AUH: variants seen among roughly 807,000 people sequenced by gnomAD.
AUH encodes the protein methylglutaconyl-CoA hydratase, mitochondrial.
A neutral mutation model predicts 42.3 loss-of-function variants in AUH; 29 were observed. The ratio of observed to expected loss-of-function variants is 0.69; its 90% CI spans 0.51 to 0.93. The LOEUF is 0.93. AUH is among the 40% of genes least tolerant of loss of function. The pLI, the probability that AUH is intolerant of heterozygous loss-of-function variation, is 0.00. For synonymous variants in AUH, 174 were observed against 166.4 expected (o/e 1.05, Z -0.35); for missense variants, 452 against 438.1 (o/e 1.03, Z -0.28).
At chr9:91,257,800 G>A (rs547973054) in intron 6 of AUH, among the ~76,000 whole-genome samples, 96 of 152,224 alleles carry the variant, frequency 6.3e-4, no homozygotes, top group African/African-American at 1.4e-3. Context: ...CACAAAAATC[G>A]CTGTAAGTAT....
At chr9:91,300,346 T>A (rs1328672601) in intron 4 of AUH, among the ~76,000 whole-genome samples, 2 of 152,196 alleles carry the variant, frequency 1.3e-5, no homozygotes, top group Non-Finnish European at 2.9e-5. Context: ...ATACTTCATG[T>A]GTCCAAACCA....
In AUH at chr9:91,355,959, A is replaced by G. The variant is rs1244805769; in HGVS notation, c.342T>C (p.Ala114=). 5 of 1,613,442 alleles carry G rather than the reference A, an allele frequency of 3.1e-6. No homozygotes were observed. In the Admixed American group the frequency reaches 5.0e-5, roughly 16 times the overall value. Residue 114 remains alanine, a synonymous_variant, in exon 3 of 10, where the codon GCT becomes GCC. Transcript: ENST00000375731. ...TCTTATCAGATTTCAAAGCATCCAC[A>G]GCTTTTGATAGCTAAACAGAAATAG... ...SKNLIKMLSK[A]VDALKSDKKV...
At chr9:91,351,259 C>G (rs960734339) in intron 3 of AUH, among the ~76,000 whole-genome samples, 14 of 152,288 alleles carry the variant, frequency 9.2e-5, no homozygotes, top group African/African-American at 3.4e-4. Flanking sequence ...GTGTGAGCCA[C>G]CTGGCCCATG....
chr9:91,360,929 G>C (rs935248573), intron 1 of AUH, among the ~76,000 whole-genome samples: 3 of 152,160 alleles, frequency 2.0e-5, no homozygotes, highest in Non-Finnish European at 4.4e-5. Context: ...CCAGTGAAAG[G>C]AACTGAGCTG....
At chr9:91,219,947 A>G (rs1402564994) in intron 7 of AUH, among the ~76,000 whole-genome samples, 1 of 152,256 alleles carries the variant, frequency 6.6e-6, no homozygotes, top group Non-Finnish European at 1.5e-5. Flanking sequence ...TGAGTTAAGC[A>G]ACCCTGAGTT....
At chr9:91,285,913 T>C (rs1826364819) in intron 6 of AUH, among the ~76,000 whole-genome samples, 1 of 152,188 alleles carries the variant, frequency 6.6e-6, no homozygotes. Context: ...GGGGAAGTGC[T>C]ACACTAAACC....
intron 4 of AUH, among the ~76,000 whole-genome samples, chr9:91,315,291 G>A (rs1230734534): frequency 6.6e-6 from 1 of 152,146 alleles, no homozygotes. Flanking sequence ...CTCAGATCCT[G>A]CTCTGGCTGC....
chr9:91,307,317 T>C (rs947597677), intron 4 of AUH, among the ~76,000 whole-genome samples: 1 of 152,216 alleles, frequency 6.6e-6, no homozygotes, highest in Non-Finnish European at 1.5e-5. Context: ...GAAAGTACAC[T>C]GGTTTCTTGA....
intron 6 of AUH, among the ~76,000 whole-genome samples, chr9:91,241,339 T>C (rs1395558841): frequency 6.6e-6 from 1 of 152,176 alleles, no homozygotes; most frequent in Admixed American, 6.5e-5. Flanking sequence ...AACTATGTCT[T>C]ACATGTGTTG....
intron 6 of AUH, among the ~76,000 whole-genome samples, chr9:91,286,410 C>T (rs1337086298): frequency 6.6e-6 from 1 of 152,118 alleles, no homozygotes; most frequent in African/African-American, 2.4e-5. Context: ...TCTAATTTTC[C>T]TTCTTCCTTT....
chr9:91,347,025 C>T (rs944447342), intron 3 of AUH, among the ~76,000 whole-genome samples: 5 of 151,926 alleles, frequency 3.3e-5, no homozygotes, highest in African/African-American at 1.2e-4. Context: ...CTAGAAGCTC[C>T]CTGAGCCCCA....
chr9:91,293,688 C>T (rs369711921), intron 6 of AUH, among the ~76,000 whole-genome samples: 2 of 152,330 alleles, frequency 1.3e-5, no homozygotes, highest in South Asian at 4.1e-4. Context: ...TGAAGCAGCA[C>T]GTGCTGATGT....
chr9:91,306,051 T>G (rs962886000), intron 4 of AUH, among the ~76,000 whole-genome samples: 10 of 152,166 alleles, frequency 6.6e-5, no homozygotes, highest in Admixed American at 2.0e-4. Flanking sequence ...TGGGTTCAAC[T>G]GGGGAAACCT....
chr9:91,290,888 T>C (rs753081077), intron 6 of AUH, among the ~76,000 whole-genome samples: 4 of 152,176 alleles, frequency 2.6e-5, no homozygotes, highest in Non-Finnish European at 5.9e-5. Flanking sequence ...CCAAAAATCA[T>C]GTAAACATCA....
chr9:91,246,653 A>G (rs752901802), intron 6 of AUH, among the ~76,000 whole-genome samples: 14 of 152,262 alleles, frequency 9.2e-5, no homozygotes, highest in Non-Finnish European at 1.5e-4. Context: ...TAGAAGGAAT[A>G]AGGCTAAAGT....
At position 91,325,418 on chromosome 9, in the gene AUH, T is replaced by C. The variant is rs1564103100; in HGVS notation, c.419-14A>G. ...TAAGGTCAGCACCTGCAAAGTATTTTATTTACAAATATAATCTAGTTGTAA... is the reference window on the plus strand; with the variant it reads ...TAAGGTCAGCACCTGCAAAGTATTTCATTTACAAATATAATCTAGTTGTAA... On this transcript the variant is annotated splice_polypyrimidine_tract_variant and intron_variant, in intron 3 of 9. Transcript: ENST00000375731. The C allele has an allele frequency of 6.2e-7, 1 of 1,609,998 alleles. No individual in the cohort carries two copies. Among genetic ancestry groups the C allele is most frequent in the Non-Finnish European group, 8.5e-7 (1 of 1,176,542 alleles).
At chr9:91,268,434 T>C (rs1158370952) in intron 6 of AUH, among the ~76,000 whole-genome samples, 1 of 108,588 alleles carries the variant, frequency 9.2e-6, no homozygotes, top group Non-Finnish European at 2.1e-5. Context: ...TTCCTAGACA[T>C]TTTTTTTTTT....
At chr9:91,252,819 T>C (rs1829209651) in intron 6 of AUH, among the ~76,000 whole-genome samples, 1 of 152,184 alleles carries the variant, frequency 6.6e-6, no homozygotes, top group South Asian at 2.1e-4. Flanking sequence ...GACATGGAGG[T>C]ACCAAAACAA....
chr9:91,258,533 C>A (rs1302440991), intron 6 of AUH, among the ~76,000 whole-genome samples: 1 of 152,204 alleles, frequency 6.6e-6, no homozygotes, highest in Middle Eastern at 3.2e-3. Flanking sequence ...CCGTGCCCAG[C>A]CTCTGTATGT....
Sources: gnomAD v4.1 joint callset for allele counts (sites outside exome capture counted in the v4.1 genomes callset) on GRCh38, gnomAD v4.1.1 for gene constraint, MANE v1.5 for transcripts, NCBI Gene and HGNC (gene_info 2026-07-23, HGNC 2026-07-21) for gene names.